TRDN: variants seen among roughly 807,000 people sequenced by gnomAD.
TRDN encodes triadin, also known as triadin in skeletal muscle.
In TRDN, 161 loss-of-function variants were observed where a neutral mutation model predicts 149.7. The observed-to-expected ratio is 1.08, with a 90% CI of 0.95 to 1.23. TRDN has a LOEUF of 1.23. TRDN is among the 50% of genes most tolerant of loss of function. The probability of loss-of-function intolerance (pLI) is 0.00; values close to 1 mark genes in which losing one functional copy is unlikely to be tolerated. For synonymous variants in TRDN, 294 were observed against 250.5 expected (o/e 1.17, Z -1.64); for missense variants, 896 against 823.5 (o/e 1.09, Z -1.08).
chr6:123,422,420 A>C (rs1357769307), intron 12 of TRDN, among the ~76,000 whole-genome samples: 2 of 152,176 alleles, frequency 1.3e-5, no homozygotes, highest in Non-Finnish European at 2.9e-5. Flanking sequence ...ACTTTAACTA[A>C]GCAGGAAAGC....
intron 4 of TRDN, 76 bp downstream of exon 4, chr6:123,547,264 A>AT: frequency 1.1e-6 from 1 of 887,072 alleles, no homozygotes; most frequent in Non-Finnish European, 1.6e-6. Context: ...AATAAGTAAA[A>AT]TATATTTGAA....
At chr6:123,617,472 TATTAGTGGAA>T (rs1372870736) in intron 1 of TRDN, among the ~76,000 whole-genome samples, 1 of 152,116 alleles carries the variant, frequency 6.6e-6, no homozygotes, top group Admixed American at 6.6e-5. Flanking sequence ...TTCAAATATA[TATTAGTGGAA>T]AAAAAAATAA....
intron 38 of TRDN, among the ~76,000 whole-genome samples, chr6:123,238,667 C>A (rs568179132): frequency 1.3e-5 from 2 of 151,586 alleles, no homozygotes; most frequent in African/African-American, 4.9e-5. Flanking sequence ...TAGTATACAA[C>A]GTAAAATAAA....
intron 9 of TRDN, among the ~76,000 whole-genome samples, chr6:123,484,155 A>T (rs2114778164): frequency 6.6e-6 from 1 of 152,274 alleles, no homozygotes; most frequent in African/African-American, 2.4e-5. Flanking sequence ...AGAAAAAAAA[A>T]GCTATAGAAA....
At chr6:123,590,084 G>A (rs1393507965) in intron 1 of TRDN, among the ~76,000 whole-genome samples, 2 of 152,094 alleles carry the variant, frequency 1.3e-5, no homozygotes, top group Non-Finnish European at 2.9e-5. Context: ...CTAGAGATAT[G>A]TTACAGCTGG....
chr6:123,580,837 C>A (rs1783086378), intron 1 of TRDN, among the ~76,000 whole-genome samples: 1 of 152,118 alleles, frequency 6.6e-6, no homozygotes, highest in Non-Finnish European at 1.5e-5. Context: ...TCCAAGTGGT[C>A]CATCCTCACA....
chr6:123,351,043 G>T, intron 21 of TRDN: 8 of 905,784 alleles, frequency 8.8e-6, no homozygotes, highest in Non-Finnish European at 1.0e-5. Context: ...ATTAGTGTGG[G>T]TGTTTTATAT....
chr6:123,334,772 A>C (rs562196616), intron 22 of TRDN, among the ~76,000 whole-genome samples: 16 of 152,056 alleles, frequency 1.1e-4, no homozygotes, highest in Admixed American at 7.2e-4. Flanking sequence ...AAAGCCTAAT[A>C]ATGTATCTCT....
chr6:123,523,902 A>G, intron 5 of TRDN, among the ~76,000 whole-genome samples: 1 of 152,092 alleles, frequency 6.6e-6, no homozygotes, highest in East Asian at 1.9e-4. Context: ...CCAGTTACTC[A>G]TTATCTAAAA....
At chr6:123,431,410 G>A (rs1313400029) in intron 12 of TRDN, among the ~76,000 whole-genome samples, 1 of 152,048 alleles carries the variant, frequency 6.6e-6, no homozygotes, top group Non-Finnish European at 1.5e-5. Flanking sequence ...TTTATAACTT[G>A]ATAGTAACTC....
chr6:123,322,681 C>T (rs1779289422), intron 23 of TRDN, among the ~76,000 whole-genome samples: 3 of 150,510 alleles, frequency 2.0e-5, no homozygotes. Context: ...CTCACTGTCA[C>T]CCAGGCTGGA....
chr6:123,296,175 G>T (rs1329890612), intron 24 of TRDN, among the ~76,000 whole-genome samples: 1 of 152,000 alleles, frequency 6.6e-6, no homozygotes, highest in Admixed American at 6.6e-5. Context: ...TAATCTATCA[G>T]AGCATGTTTA....
At chr6:123,368,363 A>T (rs985125281) in intron 19 of TRDN, among the ~76,000 whole-genome samples, 5 of 152,128 alleles carry the variant, frequency 3.3e-5, no homozygotes, top group Non-Finnish European at 7.3e-5. Flanking sequence ...CACAGTTATC[A>T]TCTGCTCTAC....
intron 38 of TRDN, among the ~76,000 whole-genome samples, chr6:123,239,693 CAT>C (rs1175471965): frequency 4.6e-5 from 7 of 151,962 alleles, no homozygotes; most frequent in Non-Finnish European, 1.0e-4. Context: ...ATATGCTTAA[CAT>C]TGAATTGTAA....
In TRDN at chr6:123,623,798, C is replaced by T. The variant is rs917546812; in HGVS notation, c.22+12956G>A. ...ATGTCAGTCCCTGACCAACCAAATC[C>T]ATCCATTCTCCTAGCTTCTTAGATT... On this transcript the variant is annotated intron_variant, in intron 1 of 40. Transcript: ENST00000334268. 3.6e-4 allele frequency among the ~76,000 whole-genome samples: 55 copies of T among 152,190 alleles called. 1 individual carries two copies. The highest frequency in any genetic ancestry group is 3.4e-3 in the Middle Eastern group (1 of 294).
At chr6:123,225,172 C>T (rs565212981) in intron 38 of TRDN, among the ~76,000 whole-genome samples, 3 of 151,530 alleles carry the variant, frequency 2.0e-5, no homozygotes, top group Non-Finnish European at 4.4e-5. Flanking sequence ...TGAAATAAAA[C>T]CACAATGAGA....
In TRDN at chr6:123,316,480, T is replaced by A. The variant is rs1219920478; in HGVS notation, c.1487A>T (p.Lys496Ile). Residue 496 changes from lysine to isoleucine, a missense_variant, in exon 24 of 41, where the codon AAA becomes ATA. Coordinates refer to ENST00000334268, the MANE Select transcript of TRDN (RefSeq NM_006073.4). ...SLKEKEPETK[K>I]DEKMSKAGKE... is the part of the protein sequence containing the mutation. ...ACCTGCTTTGGACATCTTTTCATCT[T>A]TTTTAGTTTCAGGTTCTGGGGCAAA... 3 of 1,610,452 alleles carry A rather than the reference T, an allele frequency of 1.9e-6. No individual in the cohort carries two copies. The highest frequency in any genetic ancestry group is 1.7e-5 in the Admixed American group (1 of 59,674).
At chr6:123,221,182 C>T (rs1355326882) in intron 40 of TRDN, among the ~76,000 whole-genome samples, 1 of 151,662 alleles carries the variant, frequency 6.6e-6, no homozygotes, top group Non-Finnish European at 1.5e-5. Flanking sequence ...ATAAAGCAGG[C>T]AGTAAGACAC....
intron 9 of TRDN, among the ~76,000 whole-genome samples, chr6:123,482,121 T>C (rs550464416): frequency 6.6e-6 from 1 of 152,304 alleles, no homozygotes; most frequent in African/African-American, 2.4e-5. Context: ...AAATATTCTG[T>C]GTTCACAAGA....
Sources: allele counts gnomAD v4.1 joint callset (sites outside exome capture counted in the v4.1 genomes callset), GRCh38; gene constraint gnomAD v4.1.1; transcripts MANE v1.5; gene names NCBI Gene and HGNC (gene_info 2026-07-23, HGNC 2026-07-21).